Variants in RFTN1 observed in about 807,000 individuals in gnomAD.
RFTN1 encodes raftlin.
Under a neutral mutation model 46.5 loss-of-function variants are expected in RFTN1, and 26 were observed. The ratio of observed to expected loss-of-function variants is 0.56; its 90% confidence interval spans 0.41 to 0.78. The LOEUF (loss-of-function observed/expected upper bound fraction) is 0.78. Ranked by LOEUF, RFTN1 falls within the 30% of genes least tolerant of loss-of-function variation. RFTN1 has a pLI of 0.00. For missense variants in RFTN1, 693 were observed against 718.7 expected (o/e 0.96, Z 0.41); for synonymous variants, 261 against 284.2 (o/e 0.92, Z 0.82).
Position 16,387,408 on chromosome 3 carries a change from C to T in RFTN1, c.442-9306G>A, listed in dbSNP as rs1455823618. ...TTAAAGACAAAATCGAGGTCAGAAG[C>T]TGAGAAGCCCATCCCCATGTCCTCT... On this transcript the variant is annotated intron_variant, in intron 4 of 9. Coordinates refer to ENST00000334133, the MANE Select transcript of RFTN1 (RefSeq NM_015150.2). The surrounding 1 kb of genome is among the most constrained non-coding windows in gnomAD (Gnocchi z 5.2). Among the ~76,000 whole-genome samples the T allele has an allele frequency of 6.6e-6, 1 of 152,162 alleles. No homozygotes were observed. Among genetic ancestry groups the T allele is most frequent in the Admixed American group, 6.5e-5 (1 of 15,282 alleles).
intron 7 of RFTN1, among the ~76,000 whole-genome samples, chr3:16,357,114 CAAA>C (rs10563071): frequency 3.7e-5 from 5 of 133,566 alleles, no homozygotes; most frequent in Admixed American, 7.7e-5. Flanking sequence ...GATGCCATCT[CAAA>C]AAAAAAAAAA....
At position 16,425,805 on chromosome 3, in the gene RFTN1, A is replaced by G. The variant is rs2075279090; in HGVS notation, c.332+8046T>C. Among the ~76,000 whole-genome samples the G allele has an allele frequency of 6.6e-6, 1 of 152,168 alleles. No homozygotes were observed. The highest frequency in any genetic ancestry group is 2.1e-4 in the South Asian group (1 of 4,822). On this transcript the variant is annotated intron_variant, in intron 3 of 9. Coordinates refer to ENST00000334133, the MANE Select transcript of RFTN1 (RefSeq NM_015150.2). This position sits in a 1 kb window ranked among gnomAD's most constrained non-coding sequence, Gnocchi z 4.3. ...TCACTCCAGAGTGAGATGGGAAAAT[A>G]AGAGGAATAAATTAAGGTAGTCTTG... is the stretch of plus-strand genomic sequence containing the variant.
At chr3:16,373,652 G>C (rs116190237) in intron 5 of RFTN1, among the ~76,000 whole-genome samples, 3,213 of 152,320 alleles carry the variant, frequency 0.021, 46 homozygotes, top group Middle Eastern at 0.065. Flanking sequence ...CTGGAGAGAA[G>C]AAAGAGTTTA....
At chr3:16,463,593 A>G (rs1348245333) in intron 2 of RFTN1, among the ~76,000 whole-genome samples, 1 of 152,020 alleles carries the variant, frequency 6.6e-6, no homozygotes, top group African/African-American at 2.4e-5. Flanking sequence ...TTAAAAATTT[A>G]TTTTCTTGAA....
rs1169378380 is a variant in RFTN1 at position 16,317,778 on chromosome 3, C to T, written c.1333-546G>A. Among the ~76,000 whole-genome samples, 1 of 152,142 alleles carries T rather than the reference C, an allele frequency of 6.6e-6. No homozygotes were observed. The highest frequency in any genetic ancestry group is 1.5e-5 in the Non-Finnish European group (1 of 68,034). ...GCCCGCTCCCCAGCTAGGCCGATAGCCCTTTGCTGACCACCACCTCACAGA... is the reference window on the plus strand; with the variant it reads ...GCCCGCTCCCCAGCTAGGCCGATAGTCCTTTGCTGACCACCACCTCACAGA... On this transcript the variant is annotated intron_variant, in intron 9 of 9. Coordinates refer to ENST00000334133, the MANE Select transcript of RFTN1 (RefSeq NM_015150.2). The surrounding 1 kb of genome is among the most constrained non-coding windows in gnomAD (Gnocchi z 4.3).
chr3:16,415,512 A>G (rs1037041875), intron 3 of RFTN1, among the ~76,000 whole-genome samples: 1 of 151,414 alleles, frequency 6.6e-6, no homozygotes, highest in Admixed American at 6.6e-5. Context: ...GCAGCTGGAG[A>G]TATAAATTTA....
intron 7 of RFTN1, chr3:16,339,499 CTG>C (rs748117007): frequency 1.3e-5 from 2 of 152,244 alleles, no homozygotes; most frequent in African/African-American, 2.4e-5. Context: ...ATCTGGCTCC[CTG>C]CTCTACCAGA....
intron 3 of RFTN1, among the ~76,000 whole-genome samples, chr3:16,432,759 T>G (rs1488539091): frequency 6.6e-6 from 1 of 151,880 alleles, no homozygotes; most frequent in African/African-American, 2.4e-5. Context: ...TACCAAAACA[T>G]GTGTGAATTC....
chr3:16,421,853 G>T lies in RFTN1; in HGVS notation c.332+11998C>A, dbSNP rs144590423. Among the ~76,000 whole-genome samples, 13 of 152,100 alleles carry T rather than the reference G, an allele frequency of 8.5e-5. 1 individual carries two copies. The highest frequency in any genetic ancestry group is 3.3e-4 in the Admixed American group (5 of 15,260). Reference sequence around the variant, plus strand: ...GTTAATTTAGCTAAAATTACAAAAAGCGATCCACTAATTCACCTTACTGAG... The same window carrying T: ...GTTAATTTAGCTAAAATTACAAAAATCGATCCACTAATTCACCTTACTGAG... On this transcript the variant is annotated intron_variant, in intron 3 of 9. Transcript: ENST00000334133. The surrounding 1 kb of genome is among the most constrained non-coding windows in gnomAD (Gnocchi z 4.6).
chr3:16,348,933 A>C lies in RFTN1; in HGVS notation c.1146+8999T>G, dbSNP rs189182978. ...GAGCAAGTGGCTGCTGCCAAGGAGG[A>C]GGCAGAGGGAAAATTCTGGCTAAAA... On this transcript the variant is annotated intron_variant, in intron 7 of 9. Transcript: ENST00000334133. This position sits in a 1 kb window ranked among gnomAD's most constrained non-coding sequence, Gnocchi z 6.3. Among the ~76,000 whole-genome samples the C allele has an allele frequency of 4.9e-3, 740 of 152,334 alleles. 8 individuals are homozygous for C. The highest frequency in any genetic ancestry group is 0.017 in the African/African-American group (720 of 41,562).
At chr3:16,420,783 C>T (rs1317769047) in intron 3 of RFTN1, among the ~76,000 whole-genome samples, 1 of 152,204 alleles carries the variant, frequency 6.6e-6, no homozygotes, top group Non-Finnish European at 1.5e-5. Context: ...TGGCTAATGG[C>T]TGTGTTACAG....
intron 4 of RFTN1, among the ~76,000 whole-genome samples, chr3:16,389,247 C>T (rs761515982): frequency 3.9e-5 from 6 of 152,142 alleles, no homozygotes; most frequent in Non-Finnish European, 7.3e-5. Context: ...GACTCCAGAC[C>T]AACAAAAATA....
At chr3:16,347,282 C>T (rs1430820236) in intron 7 of RFTN1, among the ~76,000 whole-genome samples, 1 of 152,246 alleles carries the variant, frequency 6.6e-6, no homozygotes, top group Non-Finnish European at 1.5e-5. Context: ...GACGTCCATG[C>T]ATGTTATATC....
chr3:16,484,471 G>A lies in RFTN1; in HGVS notation c.145+9254C>T, dbSNP rs371488363. ...GTATGAGCCTGGTCAGCACAATGTC[G>A]AAGAAAACATCCCGAAAATCAGTTC... On this transcript the variant is annotated intron_variant, in intron 2 of 9. Transcript: ENST00000334133. This position sits in a 1 kb window ranked among gnomAD's most constrained non-coding sequence, Gnocchi z 4.6. Among the ~76,000 whole-genome samples the A allele has an allele frequency of 6.6e-6, 1 of 152,168 alleles. No homozygotes were observed. The highest frequency in any genetic ancestry group is 1.5e-5 in the Non-Finnish European group (1 of 68,040).
At chr3:16,388,717 C>T (rs1307616546) in intron 4 of RFTN1, among the ~76,000 whole-genome samples, 1 of 152,172 alleles carries the variant, frequency 6.6e-6, no homozygotes, top group African/African-American at 2.4e-5. Flanking sequence ...GTTAATATCA[C>T]TACTTCTTAT....
intron 2 of RFTN1, among the ~76,000 whole-genome samples, chr3:16,469,553 G>C (rs1354930864): frequency 6.6e-6 from 1 of 152,216 alleles, no homozygotes; most frequent in African/African-American, 2.4e-5. Flanking sequence ...GTGCAGGCGG[G>C]AAGGAACTGG....
chr3:16,357,858 C>T (rs575237991), intron 7 of RFTN1, 74 bp downstream of exon 7: 141 of 924,816 alleles, frequency 1.5e-4, no homozygotes, highest in South Asian at 2.8e-4. Context: ...CACAGCCCCA[C>T]GGTCAGATCA....
chr3:16,433,645 T>C lies in RFTN1; in HGVS notation c.332+206A>G, dbSNP rs1178976125. On this transcript the variant is annotated intron_variant, in intron 3 of 9. Coordinates refer to ENST00000334133, the MANE Select transcript of RFTN1 (RefSeq NM_015150.2). This position sits in a 1 kb window ranked among gnomAD's most constrained non-coding sequence, Gnocchi z 4.4. ...GTAAAATGGAACTCTCTACTTGCAG[T>C]TGGACATGCATTTGTTTTTCATCGC... 1.3e-5 allele frequency among the ~76,000 whole-genome samples: 2 copies of C among 152,192 alleles called. No homozygotes were observed. The highest frequency in any genetic ancestry group is 2.9e-5 in the Non-Finnish European group (2 of 68,032).
chr3:16,401,079 A>G (rs987054945), intron 4 of RFTN1, among the ~76,000 whole-genome samples: 1 of 152,092 alleles, frequency 6.6e-6, no homozygotes. Flanking sequence ...TGAAAAGCCA[A>G]TGGGGGCCGA....
Sources: gnomAD v4.1 joint callset for allele counts (sites outside exome capture counted in the v4.1 genomes callset) on GRCh38, gnomAD v4.1.1 for gene constraint, Gnocchi (gnomAD v3.1) non-coding constraint, MANE v1.5 for transcripts, NCBI Gene and HGNC (gene_info 2026-07-23, HGNC 2026-07-21) for gene names.